Variants in SGCZ observed in about 807,000 individuals in gnomAD.
SGCZ encodes the protein sarcoglycan zeta.
A neutral mutation model predicts 41.3 loss-of-function variants in SGCZ; 40 were observed. That is an observed-to-expected ratio of 0.97 (90% CI 0.75 to 1.26). The LOEUF is 1.26. Ranked by LOEUF, SGCZ falls within the 50% of genes most tolerant of loss-of-function variation. SGCZ has a pLI of 0.00. For synonymous variants in SGCZ, 206 were observed against 137.5 expected (o/e 1.50, Z -3.49); for missense variants, 552 against 369.8 (o/e 1.49, Z -4.04).
At chr8:15,152,110 G>C (rs200353295) in intron 1 of SGCZ, among the ~76,000 whole-genome samples, 2 of 152,076 alleles carry the variant, frequency 1.3e-5, no homozygotes, top group East Asian at 3.9e-4. Context: ...TCTGGATTTT[G>C]TTTGTTAAAA....
In SGCZ at chr8:14,108,988, A is replaced by G. The variant is rs775887765; in HGVS notation, c.548-753T>C. 4.8e-4 allele frequency among the ~76,000 whole-genome samples: 73 copies of G among 152,120 alleles called. 1 individual carries two copies. Among genetic ancestry groups the G allele is most frequent in the Non-Finnish European group, 7.9e-4 (54 of 68,030 alleles). On this transcript the variant is annotated intron_variant, in intron 5 of 7. Transcript: ENST00000382080. ...GGTCATGAATGAAAATGTGGAGGTG[A>G]GTTCCAGTGTAGCCTATTATTGGTT...
chr8:14,763,542 CGA>C (rs1799952111), intron 1 of SGCZ, among the ~76,000 whole-genome samples: 1 of 152,050 alleles, frequency 6.6e-6, no homozygotes, highest in African/African-American at 2.4e-5. Context: ...ACTTTATTAT[CGA>C]AAGTGTCTTT....
chr8:14,785,014 G>A (rs562570961), intron 1 of SGCZ, among the ~76,000 whole-genome samples: 24 of 140,158 alleles, frequency 1.7e-4, no homozygotes, highest in Non-Finnish European at 3.0e-4. Context: ...TTATTTAGAA[G>A]CAGAAAATCT....
At chr8:14,182,390 G>A (rs1436925063) in intron 4 of SGCZ, among the ~76,000 whole-genome samples, 1 of 152,044 alleles carries the variant, frequency 6.6e-6, no homozygotes, top group Non-Finnish European at 1.5e-5. Flanking sequence ...AGCACAGTAG[G>A]CATAGAGCCA....
At chr8:14,904,506 G>C (rs994098390) in intron 1 of SGCZ, among the ~76,000 whole-genome samples, 1 of 151,928 alleles carries the variant, frequency 6.6e-6, no homozygotes, top group Non-Finnish European at 1.5e-5. Flanking sequence ...CTGTAAACTA[G>C]AAGCATTTTA....
chr8:15,084,533 C>T (rs1805877217), intron 1 of SGCZ, among the ~76,000 whole-genome samples: 1 of 152,096 alleles, frequency 6.6e-6, no homozygotes, highest in Non-Finnish European at 1.5e-5. Flanking sequence ...GGCGGATAAC[C>T]TGAGGTCAAG....
intron 2 of SGCZ, among the ~76,000 whole-genome samples, chr8:14,478,463 T>C (rs1343357088): frequency 1.3e-5 from 2 of 152,106 alleles, no homozygotes; most frequent in African/African-American, 2.4e-5. Context: ...TCCAACTACA[T>C]GACATTCCAA....
chr8:14,350,786 A>T (rs1803063270), intron 2 of SGCZ, among the ~76,000 whole-genome samples: 1 of 152,150 alleles, frequency 6.6e-6, no homozygotes. Flanking sequence ...ACTCTCTCTC[A>T]GTAACTATTT....
chr8:14,511,154 G>C (rs531190828), intron 2 of SGCZ, among the ~76,000 whole-genome samples: 5 of 151,960 alleles, frequency 3.3e-5, no homozygotes, highest in African/African-American at 1.2e-4. Flanking sequence ...TTTATCTTGA[G>C]AAATGTATGC....
chr8:14,107,552 A>G (rs1266431395), intron 6 of SGCZ, among the ~76,000 whole-genome samples: 6 of 152,216 alleles, frequency 3.9e-5, no homozygotes, highest in Non-Finnish European at 1.5e-5. Context: ...TCAGCGCCCT[A>G]TTTGCCCTGT....
At chr8:14,565,840 C>T (rs1804343057) in intron 1 of SGCZ, among the ~76,000 whole-genome samples, 1 of 152,012 alleles carries the variant, frequency 6.6e-6, no homozygotes, top group South Asian at 2.1e-4. Flanking sequence ...GAGAAAGACA[C>T]CAATGGTTAT....
At chr8:14,919,507 T>C (rs1257762194) in intron 1 of SGCZ, among the ~76,000 whole-genome samples, 1 of 152,202 alleles carries the variant, frequency 6.6e-6, no homozygotes, top group Non-Finnish European at 1.5e-5. Flanking sequence ...TTCTTTGCTC[T>C]CGTCTTGAAG....
chr8:14,455,609 A>G (rs555219043), intron 2 of SGCZ, among the ~76,000 whole-genome samples: 21 of 152,202 alleles, frequency 1.4e-4, no homozygotes, highest in Middle Eastern at 6.3e-3. Context: ...CTAGTAATCT[A>G]CTTTAAAAGC....
intron 2 of SGCZ, among the ~76,000 whole-genome samples, chr8:14,432,281 A>G (rs1585504031): frequency 6.6e-6 from 1 of 152,204 alleles, no homozygotes; most frequent in East Asian, 1.9e-4. Flanking sequence ...AAAAACCCAA[A>G]TGCCCATCGA....
At chr8:14,426,219 C>A (rs1799779061) in intron 2 of SGCZ, among the ~76,000 whole-genome samples, 2 of 151,848 alleles carry the variant, frequency 1.3e-5, no homozygotes, top group African/African-American at 4.8e-5. Context: ...ACATACTATA[C>A]AAGTCTAAGA....
At chr8:14,877,695 T>G (rs751961587) in intron 1 of SGCZ, among the ~76,000 whole-genome samples, 1 of 152,174 alleles carries the variant, frequency 6.6e-6, no homozygotes, top group Non-Finnish European at 1.5e-5. Context: ...CTTTTCTTTT[T>G]AACTTATCCA....
intron 1 of SGCZ, among the ~76,000 whole-genome samples, chr8:14,610,526 T>C (rs1453917509): frequency 2.0e-5 from 3 of 152,188 alleles, no homozygotes; most frequent in African/African-American, 7.2e-5. Context: ...ATGAGGGCTC[T>C]TGTGTCACAT....
intron 1 of SGCZ, among the ~76,000 whole-genome samples, chr8:14,792,258 T>C (rs989032704): frequency 6.6e-6 from 1 of 152,238 alleles, no homozygotes; most frequent in Non-Finnish European, 1.5e-5. Flanking sequence ...ATACATTTTT[T>C]CTTAATGATT....
At chr8:15,051,671 T>C (rs1804518274) in intron 1 of SGCZ, among the ~76,000 whole-genome samples, 1 of 152,176 alleles carries the variant, frequency 6.6e-6, no homozygotes, top group South Asian at 2.1e-4. Context: ...GGTGTTACCA[T>C]TTTTTAAAAA....
Sources: allele counts gnomAD v4.1 joint callset (sites outside exome capture counted in the v4.1 genomes callset), GRCh38; gene constraint gnomAD v4.1.1; transcripts MANE v1.5; gene names NCBI Gene and HGNC (gene_info 2026-07-23, HGNC 2026-07-21).